The following CNTN5 variants were observed in gnomAD, a reference collection of about 807,000 sequenced individuals.
CNTN5 encodes the protein contactin-5.
CNTN5 carries 77 observed loss-of-function variants against 129.1 expected under a neutral mutation model. The observed-to-expected ratio is 0.60, with a 90% confidence interval of 0.50 to 0.72. The LOEUF is 0.72. CNTN5 is among the 30% of genes least tolerant of loss of function. CNTN5 has a pLI of 0.00. For missense variants in CNTN5, 1,478 were observed against 1,328.8 expected, an observed-to-expected ratio of 1.11 and a Z score of -1.75; for synonymous variants, 509 against 465.6, an observed-to-expected ratio of 1.09 and a Z score of -1.20.
At chr11:99,193,195 A>G (rs1858734169) in intron 1 of CNTN5, among the ~76,000 whole-genome samples, 1 of 152,178 alleles carries the variant, frequency 6.6e-6, no homozygotes, top group Non-Finnish European at 1.5e-5. Context: ...GGGATAATAT[A>G]CAAAGCTCTA....
chr11:99,196,007 T>C (rs953193605), intron 1 of CNTN5, among the ~76,000 whole-genome samples: 1 of 151,980 alleles, frequency 6.6e-6, no homozygotes, highest in African/African-American at 2.4e-5. Context: ...GCTTGTGGTG[T>C]CACAGAGGAT....
At chr11:99,614,855 C>T (rs1418374546) in intron 3 of CNTN5, among the ~76,000 whole-genome samples, 1 of 152,004 alleles carries the variant, frequency 6.6e-6, no homozygotes, top group South Asian at 2.1e-4. Flanking sequence ...AAAGAAGTAT[C>T]CCCTTTTTCT....
chr11:99,323,905 GA>G (rs1313484388), intron 1 of CNTN5, among the ~76,000 whole-genome samples: 1 of 152,154 alleles, frequency 6.6e-6, no homozygotes, highest in Non-Finnish European at 1.5e-5. Flanking sequence ...GCGAGGAAAA[GA>G]GGGAAGGAGG....
At chr11:99,293,589 A>C (rs375583304) in intron 1 of CNTN5, among the ~76,000 whole-genome samples, 2 of 152,136 alleles carry the variant, frequency 1.3e-5, no homozygotes, top group African/African-American at 4.8e-5. Context: ...TACTACTTGT[A>C]TCTCATTGTT....
intron 15 of CNTN5, among the ~76,000 whole-genome samples, chr11:100,217,768 C>G (rs543130808): frequency 2.0e-5 from 3 of 152,296 alleles, no homozygotes; most frequent in South Asian, 4.1e-4. Flanking sequence ...TATGGACCAG[C>G]TGTTATTCAG....
chr11:99,072,673 T>A (rs1865387208), intron 1 of CNTN5, among the ~76,000 whole-genome samples: 2 of 152,146 alleles, frequency 1.3e-5, no homozygotes, highest in South Asian at 4.1e-4. Flanking sequence ...ATTATATGCT[T>A]ACTGAATCTT....
intron 2 of CNTN5, among the ~76,000 whole-genome samples, chr11:99,395,924 C>A (rs751565600): frequency 2.6e-5 from 4 of 151,852 alleles, no homozygotes; most frequent in Non-Finnish European, 5.9e-5. Flanking sequence ...GTACCAGTAC[C>A]ATGCTGTTTT....
At chr11:99,818,191 C>CT (rs917437706) in intron 3 of CNTN5, among the ~76,000 whole-genome samples, 4 of 151,748 alleles carry the variant, frequency 2.6e-5, no homozygotes, top group Non-Finnish European at 5.9e-5. Context: ...TACAGTGATA[C>CT]TTTTTTTAAT....
intron 18 of CNTN5, among the ~76,000 whole-genome samples, chr11:100,288,396 T>C (rs1950855385): frequency 6.6e-6 from 1 of 151,902 alleles, no homozygotes; most frequent in African/African-American, 2.4e-5. Context: ...GAACAGAAAT[T>C]ATAACAAACT....
chr11:99,587,524 C>T (rs1008770679), intron 3 of CNTN5, among the ~76,000 whole-genome samples: 8 of 152,144 alleles, frequency 5.3e-5, no homozygotes, highest in Non-Finnish European at 1.0e-4. Context: ...TTGCTACTAA[C>T]GAGGATCCAT....
intron 3 of CNTN5, among the ~76,000 whole-genome samples, chr11:99,737,946 G>C (rs951295222): frequency 2.4e-4 from 37 of 152,166 alleles, no homozygotes; most frequent in African/African-American, 8.7e-4. Flanking sequence ...CTTTGAAATT[G>C]TGATGCATCC....
intron 8 of CNTN5, among the ~76,000 whole-genome samples, chr11:99,960,059 T>C (rs935696721): frequency 3.3e-4 from 51 of 152,322 alleles, no homozygotes; most frequent in Non-Finnish European, 4.6e-4. Context: ...CTAACTTCCC[T>C]TTTTTGTTGT....
chr11:100,066,085 T>G (rs1943684709), intron 10 of CNTN5, among the ~76,000 whole-genome samples: 1 of 152,118 alleles, frequency 6.6e-6, no homozygotes. Context: ...TCACAGTTGC[T>G]AGAAAACACA....
intron 3 of CNTN5, among the ~76,000 whole-genome samples, chr11:99,601,657 C>A (rs1294615694): frequency 6.6e-6 from 1 of 152,148 alleles, no homozygotes; most frequent in Non-Finnish European, 1.5e-5. Context: ...GGTGACACCA[C>A]ACCCTAAAAT....
intron 2 of CNTN5, among the ~76,000 whole-genome samples, chr11:99,505,832 T>C (rs111836634): frequency 0.029 from 4,422 of 152,326 alleles, 75 homozygotes; most frequent in Middle Eastern, 0.078. Context: ...ACTTAGAATT[T>C]TCTGAACCTA....
chr11:100,356,095 T>C lies in CNTN5; in HGVS notation c.3200-22T>C, dbSNP rs374665345. 51 of 1,553,678 alleles carry C rather than the reference T, an allele frequency of 3.3e-5. No individual in the cohort carries two copies. In the Admixed American group the frequency reaches 3.6e-4, roughly 11 times the overall value. On this transcript the variant is annotated intron_variant, in intron 24 of 24. Transcript: ENST00000524871. ...AGCAAAACCAAGATAATTTGCTCCA[T>C]TTGATGCTTCTTTTTTCACAGGTGG...
At chr11:99,834,901 T>A (rs1419643071) in intron 4 of CNTN5, among the ~76,000 whole-genome samples, 3 of 152,198 alleles carry the variant, frequency 2.0e-5, no homozygotes, top group Non-Finnish European at 2.9e-5. Context: ...GTCAAGACCA[T>A]CTTGCCCTAG....
intron 1 of CNTN5, among the ~76,000 whole-genome samples, chr11:99,085,478 T>A (rs1865970603): frequency 2.0e-5 from 3 of 152,306 alleles, no homozygotes; most frequent in Admixed American, 6.5e-5. Flanking sequence ...TACTTCATAC[T>A]TTTTGGTGCC....
chr11:99,700,980 A>G (rs1297777070), intron 3 of CNTN5, among the ~76,000 whole-genome samples: 1 of 151,356 alleles, frequency 6.6e-6, no homozygotes, highest in Non-Finnish European at 1.5e-5. Context: ...ACTAGCAGCA[A>G]TGATGACAGG....
Sources: allele counts gnomAD v4.1 joint callset (sites outside exome capture counted in the v4.1 genomes callset), GRCh38; gene constraint gnomAD v4.1.1; transcripts MANE v1.5; gene names NCBI Gene and HGNC (gene_info 2026-07-23, HGNC 2026-07-21).